The following USP36 variants were observed in gnomAD, a reference collection of about 807,000 sequenced individuals.
USP36 encodes ubiquitin specific peptidase 36.
USP36 carries 59 observed loss-of-function variants against 111.5 expected under a neutral mutation model. The ratio of observed to expected loss-of-function variants is 0.53; its 90% CI spans 0.43 to 0.66. USP36 has a LOEUF of 0.66. Among genes scored for constraint, USP36 ranks in the 30% least tolerant of loss-of-function variants. The pLI, the probability that USP36 is intolerant of heterozygous loss-of-function variation, is 0.00. For synonymous variants in USP36, 628 were observed against 581.0 expected (o/e 1.08, Z -1.16); for missense variants, 1,488 against 1,468.0 (o/e 1.01, Z -0.22).
chr17:78,825,794 T>C lies in USP36; in HGVS notation c.689+1451A>G, dbSNP rs541249540. The stretch of plus-strand genomic sequence containing the variant: ...GCCAGGCCCCCTGCTATAGGCTCGC[T>C]GCACTCCCCCTGCAGGTGCTGGGGA... On this transcript the variant is annotated intron_variant, in intron 6 of 20. Transcript: ENST00000449938. Among the ~76,000 whole-genome samples the C allele has an allele frequency of 5.9e-5, 9 of 152,288 alleles. No individual in the cohort carries two copies. The South Asian group carries it at 1.0e-3, about 18-fold the overall frequency.
At chr17:78,808,135 T>C (rs1158958759) in intron 13 of USP36, among the ~76,000 whole-genome samples, 1 of 152,208 alleles carries the variant, frequency 6.6e-6, no homozygotes, top group Non-Finnish European at 1.5e-5. Context: ...GCATTAACAT[T>C]CTAGTGCTTT....
At chr17:78,802,260 C>A (rs1229286100) in intron 17 of USP36, 64 bp downstream of exon 17, 1 of 1,470,992 alleles carries the variant, frequency 6.8e-7, no homozygotes, top group Non-Finnish European at 9.1e-7. Context: ...CACACCCATG[C>A]GGTCCCCCAA....
intron 17 of USP36, 116 bp from the exon 18 acceptor site, chr17:78,799,884 T>C (rs2093697828): frequency 3.7e-6 from 2 of 539,512 alleles, no homozygotes; most frequent in South Asian, 3.3e-5. Context: ...TGCCTTTTTT[T>C]TTTTTTTTTT....
At chr17:78,791,198 G>A (rs59060228), downstream of USP36, among the ~76,000 whole-genome samples, 868 of 146,830 alleles carry the variant, frequency 5.9e-3, 32 homozygotes, top group East Asian at 0.11. Context: ...GCAATGGTGC[G>A]ATCTCGGCTC....
At chr17:78,821,381 A>C (rs8069028) in intron 7 of USP36, 5,758 of 152,314 alleles carry the variant, frequency 0.038, 490 homozygotes, top group African/African-American at 0.18. Context: ...GGCACTTCCT[A>C]ATGAGAATAT....
intron 4 of USP36, among the ~76,000 whole-genome samples, chr17:78,832,517 A>G (rs985984841): frequency 6.6e-6 from 1 of 152,262 alleles, no homozygotes; most frequent in African/African-American, 2.4e-5. Flanking sequence ...AGGGATGGCC[A>G]TGGCTGCCTT....
chr17:78,799,772 C>A lies in USP36; in HGVS notation c.3023-4G>T. On this transcript the variant is annotated splice_polypyrimidine_tract_variant and splice_region_variant and intron_variant, in intron 17 of 20. Coordinates refer to ENST00000449938, the MANE Select transcript of USP36 (RefSeq NM_001385174.1). The stretch of plus-strand genomic sequence containing the variant: ...ACAGGAGGGGCCTGGCTCAGCCCTG[C>A]AATCGGAGCAGCCAAGAAACATTTA... 6.3e-7 allele frequency: 1 copy of A among 1,594,186 alleles called. No homozygotes were observed.
intron 8 of USP36, among the ~76,000 whole-genome samples, chr17:78,820,283 G>A (rs2094287800): frequency 6.6e-6 from 1 of 152,272 alleles, no homozygotes; most frequent in African/African-American, 2.4e-5. Flanking sequence ...AGACAAGCCT[G>A]GGCAACATAG....
Position 78,802,453 on chromosome 17 carries a change from TCTC to T in USP36, c.2890_2892del (p.Glu964del). The T allele has an allele frequency of 6.3e-7, 1 of 1,598,240 alleles. No homozygotes were observed. The highest frequency in any genetic ancestry group is 1.1e-5 in the South Asian group (1 of 90,518). The stretch of plus-strand genomic sequence containing the variant: ...CCATCCTCTTCTACTGCCCGCTGTG[TCTC>T]CTGCTTTCTTTTTTTCTTTTTCTTT... On this transcript the variant is annotated inframe_deletion, in exon 17 of 21. Coordinates refer to ENST00000449938, the MANE Select transcript of USP36 (RefSeq NM_001385174.1).
At position 78,822,720 on chromosome 17, in the gene USP36, C is replaced by G. The variant is rs74001276; in HGVS notation, c.690-716G>C. ...TGGTAGCTACTCACGCTGGAAGGTT[C>G]TGAAACAATACACCACATCCAGTCT... On this transcript the variant is annotated intron_variant, in intron 6 of 20. Transcript: ENST00000449938. Among the ~76,000 whole-genome samples the G allele has an allele frequency of 6.9e-3, 1,054 of 152,336 alleles. 12 individuals carry two copies. Among genetic ancestry groups the G allele is most frequent in the African/African-American group, 0.024 (988 of 41,564 alleles).
chr17:78,821,831 T>C (rs1311286230), intron 7 of USP36, 106 bp downstream of exon 7: 1 of 1,302,316 alleles, frequency 7.7e-7, no homozygotes, highest in East Asian at 2.4e-5. Flanking sequence ...CTGACCCAGG[T>C]CTGCACAGCG....
intron 3 of USP36, among the ~76,000 whole-genome samples, chr17:78,788,130 TTG>T (rs56836334): frequency 0.013 from 1,922 of 152,232 alleles, 46 homozygotes; most frequent in African/African-American, 0.044. Context: ...GCTCTGCAAG[TTG>T]TGTTTAAAAT....
chr17:78,814,260 ACTC>A, intron 11 of USP36, 149 bp downstream of exon 11: 1 of 1,068,456 alleles, frequency 9.4e-7, no homozygotes, highest in Admixed American at 2.8e-5. Flanking sequence ...GCATCTTTTC[ACTC>A]CACGCAGAGA....
intron 10 of USP36, among the ~76,000 whole-genome samples, chr17:78,814,870 G>C (rs2094143668): frequency 1.3e-5 from 2 of 152,150 alleles, no homozygotes; most frequent in Admixed American, 1.3e-4. Flanking sequence ...AGAATCACTT[G>C]AACCCGCGAG....
chr17:78,811,275 A>T (rs1228208345), intron 13 of USP36, among the ~76,000 whole-genome samples: 1 of 152,188 alleles, frequency 6.6e-6, no homozygotes, highest in Non-Finnish European at 1.5e-5. Flanking sequence ...AAAATTTCAA[A>T]TACACACAAA....
rs3088040 is a variant in USP36, at chr17:78,803,778, T to C, written c.2417A>G (p.Gln806Arg). ...HQLPEASEPP[Q>R]SPSEKRKKTF... ...CTTTTTCCTCTTCTCAGAGGGGCTC[T>C]GGGGGGGCTCACTGGCCTCTGGCAA... The change falls in exon 16 of 21, where the codon CAG becomes CGG. Residue 806 changes from glutamine to arginine, a missense_variant. Coordinates refer to ENST00000449938, the MANE Select transcript of USP36 (RefSeq NM_001385174.1). The surrounding 1 kb of genome is among the most constrained non-coding windows in gnomAD (Gnocchi z 4.6). The C allele has an allele frequency of 0.56, 895,222 of 1,612,380 alleles. 249,854 individuals are homozygous for C. Among genetic ancestry groups the C allele is most frequent in the East Asian group, 0.61 (27,430 of 44,860 alleles).
chr17:78,825,305 G>T (rs61553210), intron 6 of USP36, among the ~76,000 whole-genome samples: 2,869 of 152,174 alleles, frequency 0.019, 85 homozygotes, highest in African/African-American at 0.066. Flanking sequence ...CATAATGCAA[G>T]TAACATCAAA....
intron 17 of USP36, among the ~76,000 whole-genome samples, chr17:78,800,076 T>C (rs1230458471): frequency 6.6e-6 from 1 of 150,870 alleles, no homozygotes; most frequent in Non-Finnish European, 1.5e-5. Context: ...TAGAGAAGGC[T>C]GTTGTCCAAG....
intron 10 of USP36, among the ~76,000 whole-genome samples, chr17:78,818,053 C>A (rs1206835683): frequency 1.3e-5 from 2 of 152,186 alleles, no homozygotes; most frequent in African/African-American, 4.8e-5. Context: ...CCACTGCACT[C>A]CAGCCCAGGT....
Sources: allele counts gnomAD v4.1 joint callset (sites outside exome capture counted in the v4.1 genomes callset), GRCh38; gene constraint gnomAD v4.1.1; non-coding constraint Gnocchi (gnomAD v3.1); transcripts MANE v1.5; gene names NCBI Gene and HGNC (gene_info 2026-07-23, HGNC 2026-07-21).